Variants in XXYLT1 observed in about 807,000 individuals in gnomAD.
XXYLT1 encodes xyloside xylosyltransferase 1, also known as UDP-xylose:alpha-xyloside alpha-1,3-xylosyltransferase.
In XXYLT1, 20 loss-of-function variants were observed where a neutral mutation model predicts 28.9. The observed-to-expected ratio is 0.69, with a 90% CI of 0.49 to 1.00. The LOEUF (loss-of-function observed/expected upper bound fraction) is 1.00. Among genes scored for constraint, XXYLT1 ranks in the 50% least tolerant of loss-of-function variants. The probability of loss-of-function intolerance (pLI) is 0.00; values close to 1 mark genes in which losing one functional copy is unlikely to be tolerated. For missense variants in XXYLT1, 542 were observed against 560.1 expected (o/e 0.97, Z 0.33); for synonymous variants, 257 against 253.8 (o/e 1.01, Z -0.12).
At chr3:195,131,017 G>C (rs1166085585) in intron 3 of XXYLT1, among the ~76,000 whole-genome samples, 1 of 152,212 alleles carries the variant, frequency 6.6e-6, no homozygotes, top group Non-Finnish European at 1.5e-5. Flanking sequence ...AATTCTGCAA[G>C]CAGGACCATT....
Position 195,133,543 on chromosome 3 carries a change from G to A in XXYLT1, c.785+22906C>T, listed in dbSNP as rs144850036. Among the ~76,000 whole-genome samples the A allele has an allele frequency of 6.6e-6, 1 of 152,302 alleles. No homozygotes were observed. Among genetic ancestry groups the A allele is most frequent in the Non-Finnish European group, 1.5e-5 (1 of 68,028 alleles). On this transcript the variant is annotated intron_variant, in intron 3 of 3. Coordinates refer to ENST00000310380, the MANE Select transcript of XXYLT1 (RefSeq NM_152531.5). The surrounding 1 kb of genome is among the most constrained non-coding windows in gnomAD (Gnocchi z 4.4). ...TGTGTCTGCACCAAGAAAACTAGAT[G>A]TTCAGCTTCCAGCATGATAAACATT...
At chr3:195,206,614 C>G (rs1255884221) in intron 2 of XXYLT1, among the ~76,000 whole-genome samples, 2 of 151,590 alleles carry the variant, frequency 1.3e-5, no homozygotes, top group African/African-American at 2.4e-5. Flanking sequence ...ACTAAAAATA[C>G]AAAAATTAGC....
At chr3:195,085,494 C>T (rs967777143) in intron 3 of XXYLT1, among the ~76,000 whole-genome samples, 34 of 152,324 alleles carry the variant, frequency 2.2e-4, no homozygotes, top group East Asian at 1.9e-3. Flanking sequence ...CACCAGAGAC[C>T]GCGGTGGGAG....
At chr3:195,145,555 C>G (rs1431799790) in intron 3 of XXYLT1, among the ~76,000 whole-genome samples, 1 of 139,758 alleles carries the variant, frequency 7.2e-6, no homozygotes, top group Non-Finnish European at 1.5e-5. Context: ...CATGAACGGG[C>G]ACCTCACTCC....
intron 1 of XXYLT1, among the ~76,000 whole-genome samples, chr3:195,230,010 A>G (rs1724231755): frequency 6.6e-6 from 1 of 152,180 alleles, no homozygotes; most frequent in African/African-American, 2.4e-5. Flanking sequence ...CAGTATATGA[A>G]GGTTCCCTTT....
At chr3:195,085,935 C>G (rs1184327302) in intron 3 of XXYLT1, 1 of 152,242 alleles carries the variant, frequency 6.6e-6, no homozygotes, top group Admixed American at 6.5e-5. Flanking sequence ...CTTGCGGAGG[C>G]CAACACTCAC....
intron 3 of XXYLT1, among the ~76,000 whole-genome samples, chr3:195,145,760 G>A (rs2108657064): frequency 6.6e-6 from 1 of 152,346 alleles, no homozygotes; most frequent in East Asian, 1.9e-4. Context: ...AGACATCCAG[G>A]CAAATCACGA....
intron 2 of XXYLT1, chr3:195,214,764 G>A (rs1038637139): frequency 2.0e-5 from 3 of 152,142 alleles, no homozygotes; most frequent in Non-Finnish European, 2.9e-5. Flanking sequence ...GCCTCATGAC[G>A]GCTAATTAAA....
chr3:195,084,068 CT>C (rs1484165719), intron 3 of XXYLT1, among the ~76,000 whole-genome samples: 1 of 152,172 alleles, frequency 6.6e-6, no homozygotes, highest in Non-Finnish European at 1.5e-5. Context: ...CACATTCTGC[CT>C]TTTGCTGCAT....
In XXYLT1 at chr3:195,209,091, G is replaced by A. The variant is rs998711839; in HGVS notation, c.652+17618C>T. ...AGCCATCGCCCACCTCCCCTTACGT[G>A]GCTCACTCGCCTCTCAGGGGGAAGC... On this transcript the variant is annotated intron_variant, in intron 2 of 3. Coordinates refer to ENST00000310380, the MANE Select transcript of XXYLT1 (RefSeq NM_152531.5). This position sits in a 1 kb window ranked among gnomAD's most constrained non-coding sequence, Gnocchi z 5.0. Among the ~76,000 whole-genome samples the A allele has an allele frequency of 2.0e-5, 3 of 152,210 alleles. No homozygotes were observed. The highest frequency in any genetic ancestry group is 4.4e-5 in the Non-Finnish European group (3 of 68,034).
At chr3:195,238,219 G>C (rs1051165089) in intron 1 of XXYLT1, among the ~76,000 whole-genome samples, 2 of 152,100 alleles carry the variant, frequency 1.3e-5, no homozygotes, top group Admixed American at 6.5e-5. Context: ...ACACCTGGAT[G>C]ACCTACATCC....
At chr3:195,167,794 C>G (rs1035959936) in intron 2 of XXYLT1, among the ~76,000 whole-genome samples, 2 of 152,016 alleles carry the variant, frequency 1.3e-5, no homozygotes, top group Non-Finnish European at 1.5e-5. Context: ...ATGCAAATAC[C>G]AGAAGGCTCC....
At chr3:195,252,103 C>G (rs1432568953) in intron 1 of XXYLT1, among the ~76,000 whole-genome samples, 1 of 152,206 alleles carries the variant, frequency 6.6e-6, no homozygotes, top group East Asian at 1.9e-4. Flanking sequence ...ATCTCATACT[C>G]ACAATGAAAT....
At chr3:195,082,066 A>G (rs1258148794) in intron 3 of XXYLT1, among the ~76,000 whole-genome samples, 1 of 152,106 alleles carries the variant, frequency 6.6e-6, no homozygotes, top group East Asian at 1.9e-4. Context: ...TACAACATGG[A>G]TTTGCTGTTG....
chr3:195,226,731 G>A lies in XXYLT1; in HGVS notation c.630C>T (p.Ala210=), dbSNP rs1301270307. 3 of 1,613,676 alleles carry A rather than the reference G, an allele frequency of 1.9e-6. No homozygotes were observed. In the African/African-American group the frequency reaches 4.0e-5, roughly 22 times the overall value. Residue 210 remains alanine (A), a synonymous_variant, in exon 2 of 4, where the codon GCC becomes GCT. Coordinates refer to ENST00000310380, the MANE Select transcript of XXYLT1 (RefSeq NM_152531.5). ...YSDSIFFLSV[A]MHQIMPKEIL... ...TACCTTTGGGCATGATCTGATGCATGGCGACCGAGAGGAAGAAGATGGAGT... is the reference window on the plus strand; with the variant it reads ...TACCTTTGGGCATGATCTGATGCATAGCGACCGAGAGGAAGAAGATGGAGT...
At chr3:195,073,952 G>A (rs1020300835) in intron 3 of XXYLT1, among the ~76,000 whole-genome samples, 2 of 152,120 alleles carry the variant, frequency 1.3e-5, no homozygotes, top group South Asian at 4.1e-4. Flanking sequence ...TCTGCTAAGG[G>A]CTCTCGAGAG....
intron 2 of XXYLT1, chr3:195,175,803 C>A (rs111728124): frequency 2.4e-5 from 35 of 1,466,470 alleles, no homozygotes; most frequent in Non-Finnish European, 3.0e-5. Flanking sequence ...GGCGTCGTTA[C>A]AGGATGGAAG....
intron 2 of XXYLT1, among the ~76,000 whole-genome samples, chr3:195,211,445 C>T (rs1017594577): frequency 1.3e-5 from 2 of 152,088 alleles, no homozygotes; most frequent in Non-Finnish European, 2.9e-5. Flanking sequence ...ACTGAGGGGA[C>T]CCCTAAAATA....
chr3:195,086,217 T>C (rs1370499780), intron 3 of XXYLT1, among the ~76,000 whole-genome samples: 1 of 152,194 alleles, frequency 6.6e-6, no homozygotes, highest in East Asian at 1.9e-4. Flanking sequence ...TTTTCTTTTT[T>C]TTTAAGGGAA....
Sources: gnomAD v4.1 joint callset for allele counts (sites outside exome capture counted in the v4.1 genomes callset) on GRCh38, gnomAD v4.1.1 for gene constraint, Gnocchi (gnomAD v3.1) non-coding constraint, MANE v1.5 for transcripts, NCBI Gene and HGNC (gene_info 2026-07-23, HGNC 2026-07-21) for gene names.